SPATA16: variants seen among roughly 807,000 people sequenced by gnomAD.
The protein encoded by SPATA16 is spermatogenesis-associated protein 16.
Under a neutral mutation model 63.3 loss-of-function variants are expected in SPATA16, and 36 were observed. The observed-to-expected ratio is 0.57, with a 90% CI of 0.44 to 0.75. The LOEUF is 0.75. SPATA16 is among the 30% of genes least tolerant of loss of function. The pLI, the probability that SPATA16 is intolerant of heterozygous loss-of-function variation, is 0.00. For missense variants in SPATA16, 646 were observed against 679.3 expected, an observed-to-expected ratio of 0.95 and a Z score of 0.54; for synonymous variants, 203 against 216.7, an observed-to-expected ratio of 0.94 and a Z score of 0.56.
chr3:173,031,961 A>G (rs1254999456), intron 3 of SPATA16, among the ~76,000 whole-genome samples: 1 of 152,148 alleles, frequency 6.6e-6, no homozygotes, highest in Non-Finnish European at 1.5e-5. Flanking sequence ...TGAAATAAGA[A>G]AATTACTGTA....
intron 2 of SPATA16, among the ~76,000 whole-genome samples, chr3:173,085,729 T>C (rs1213791006): frequency 1.3e-5 from 2 of 152,178 alleles, no homozygotes; most frequent in Non-Finnish European, 2.9e-5. Flanking sequence ...CATAAAGAGA[T>C]GTTGAATTTT....
At chr3:173,094,505 GA>G (rs1347312206) in intron 2 of SPATA16, among the ~76,000 whole-genome samples, 1 of 152,066 alleles carries the variant, frequency 6.6e-6, no homozygotes, top group Non-Finnish European at 1.5e-5. Flanking sequence ...ATTTCCCTAG[GA>G]AATAATACTA....
intron 1 of SPATA16, among the ~76,000 whole-genome samples, chr3:173,133,722 A>G (rs1001369605): frequency 2.6e-5 from 4 of 152,210 alleles, no homozygotes; most frequent in African/African-American, 9.6e-5. Context: ...CAAATCTCCA[A>G]TTATAGTGGG....
chr3:172,944,277 CA>C (rs1733230444), intron 6 of SPATA16, among the ~76,000 whole-genome samples: 1 of 152,186 alleles, frequency 6.6e-6, no homozygotes. Flanking sequence ...CATCACTAAT[CA>C]TTAAGGAAAT....
intron 2 of SPATA16, among the ~76,000 whole-genome samples, chr3:173,062,845 T>G (rs747825394): frequency 1.3e-5 from 2 of 152,170 alleles, no homozygotes; most frequent in Non-Finnish European, 1.5e-5. Context: ...ATTAGTTAGA[T>G]TCTCATAAAG....
chr3:172,988,616 A>C (rs549015798), intron 4 of SPATA16, among the ~76,000 whole-genome samples: 4 of 152,210 alleles, frequency 2.6e-5, no homozygotes, highest in African/African-American at 9.6e-5. Flanking sequence ...ACAGATGCTT[A>C]ATATTTTGAA....
At chr3:172,941,623 A>C (rs1475719765) in intron 6 of SPATA16, among the ~76,000 whole-genome samples, 1 of 152,214 alleles carries the variant, frequency 6.6e-6, no homozygotes, top group Non-Finnish European at 1.5e-5. Context: ...CATTTTAGAC[A>C]ATCAGAAATG....
At chr3:173,039,019 T>C (rs1057326297) in intron 3 of SPATA16, among the ~76,000 whole-genome samples, 11 of 152,130 alleles carry the variant, frequency 7.2e-5, no homozygotes, top group African/African-American at 2.4e-4. Context: ...ATTTCTGAAG[T>C]TTGTTTCCCT....
chr3:173,053,507 A>C (rs1040751754), intron 2 of SPATA16, among the ~76,000 whole-genome samples: 2 of 152,216 alleles, frequency 1.3e-5, no homozygotes, highest in African/African-American at 4.8e-5. Context: ...AATTGTGCAC[A>C]AAAGGATTTC....
intron 2 of SPATA16, among the ~76,000 whole-genome samples, chr3:173,088,383 G>A (rs538484343): frequency 5.3e-5 from 8 of 151,842 alleles, no homozygotes; most frequent in South Asian, 4.2e-4. Flanking sequence ...GCACTTGGTC[G>A]CCAAAGCATA....
At chr3:173,037,005 G>T (rs1735727990) in intron 3 of SPATA16, among the ~76,000 whole-genome samples, 1 of 151,570 alleles carries the variant, frequency 6.6e-6, no homozygotes, top group Admixed American at 6.6e-5. Context: ...AAACCCTTTG[G>T]GATCTTTAAT....
At chr3:172,939,014 A>G (rs890027555) in intron 6 of SPATA16, among the ~76,000 whole-genome samples, 2 of 152,128 alleles carry the variant, frequency 1.3e-5, no homozygotes, top group Non-Finnish European at 1.5e-5. Flanking sequence ...GAAAGCTTCT[A>G]TTTGTTAACC....
chr3:173,025,429 AT>A (rs1192646588), intron 3 of SPATA16, among the ~76,000 whole-genome samples: 5 of 151,912 alleles, frequency 3.3e-5, no homozygotes, highest in Admixed American at 6.6e-5. Flanking sequence ...AGAAAGTTAA[AT>A]TTTTTCTAAC....
intron 3 of SPATA16, among the ~76,000 whole-genome samples, chr3:173,023,007 A>G (rs1333622596): frequency 1.3e-5 from 2 of 152,192 alleles, no homozygotes; most frequent in East Asian, 3.9e-4. Flanking sequence ...TATATATTAT[A>G]GTAAATGAAA....
At chr3:172,993,157 A>G (rs982786407) in intron 4 of SPATA16, among the ~76,000 whole-genome samples, 2 of 151,776 alleles carry the variant, frequency 1.3e-5, no homozygotes, top group Non-Finnish European at 2.9e-5. Context: ...AGGTTACATT[A>G]TGCAGGTTTA....
chr3:172,936,505 C>CACATTGGATACACAGCAAACACAG (rs1421407238), intron 6 of SPATA16, among the ~76,000 whole-genome samples: 2 of 152,120 alleles, frequency 1.3e-5, no homozygotes, highest in Non-Finnish European at 2.9e-5. Context: ...GTATCCTTTA[C>CACATTGGATACACAGCAAACACAG]TTGCTGTTAC....
At chr3:172,975,133 A>T (rs1396627097) in intron 5 of SPATA16, among the ~76,000 whole-genome samples, 1 of 152,024 alleles carries the variant, frequency 6.6e-6, no homozygotes, top group South Asian at 2.1e-4. Flanking sequence ...AAACAGAAAA[A>T]TTTTTTCGCA....
chr3:172,958,771 C>T (rs767885496), intron 5 of SPATA16, among the ~76,000 whole-genome samples: 43 of 152,096 alleles, frequency 2.8e-4, no homozygotes, highest in Non-Finnish European at 5.1e-4. Context: ...GGTCATTCCT[C>T]TTTGTGTGTG....
intron 4 of SPATA16, among the ~76,000 whole-genome samples, chr3:173,016,169 A>C (rs1190230663): frequency 6.6e-6 from 1 of 152,158 alleles, no homozygotes; most frequent in East Asian, 1.9e-4. Flanking sequence ...ACCATAATAA[A>C]ATATCTCCAT....
Sources: gnomAD v4.1 joint callset for allele counts (sites outside exome capture counted in the v4.1 genomes callset) on GRCh38, gnomAD v4.1.1 for gene constraint, MANE v1.5 for transcripts, NCBI Gene and HGNC (gene_info 2026-07-23, HGNC 2026-07-21) for gene names.